Variants in CACNA1A observed in about 807,000 individuals in gnomAD.
CACNA1A encodes calcium voltage-gated channel subunit alpha1 A, also known as voltage-dependent P/Q-type calcium channel subunit alpha-1A.
In CACNA1A, 57 loss-of-function variants were observed where a neutral mutation model predicts 262.4. The ratio of observed to expected loss-of-function variants is 0.22; its 90% CI spans 0.18 to 0.27. The LOEUF (loss-of-function observed/expected upper bound fraction) is 0.27. Ranked by LOEUF, CACNA1A falls within the 10% of genes least tolerant of loss-of-function variation. CACNA1A has a pLI of 1.00. For synonymous variants in CACNA1A, 1,431 were observed against 1,419.3 expected (o/e 1.01, Z -0.18); for missense variants, 2,526 against 3,562.8 (o/e 0.71, Z 7.41).
At chr19:13,346,676 T>A (rs2058793353) in intron 6 of CACNA1A, among the ~76,000 whole-genome samples, 1 of 64,436 alleles carries the variant, frequency 1.6e-5, no homozygotes, top group Non-Finnish European at 2.9e-5. Context: ...ATTTTTTTTT[T>A]TTTTTTTTTT....
chr19:13,491,923 C>T (rs1425620490), intron 1 of CACNA1A, among the ~76,000 whole-genome samples: 1 of 152,126 alleles, frequency 6.6e-6, no homozygotes, highest in Non-Finnish European at 1.5e-5. Context: ...AGGCCGATAC[C>T]TATAACACTA....
intron 1 of CACNA1A, among the ~76,000 whole-genome samples, chr19:13,499,508 C>A (rs1234546856): frequency 6.6e-6 from 1 of 150,430 alleles, no homozygotes. Flanking sequence ...GGCCGGTTTC[C>A]AAAAAAAGAA....
intron 1 of CACNA1A, among the ~76,000 whole-genome samples, chr19:13,482,168 C>T (rs921233406): frequency 1.3e-5 from 2 of 152,146 alleles, no homozygotes; most frequent in Non-Finnish European, 2.9e-5. Context: ...CCATCACCAC[C>T]ACTGCTACCA....
intron 3 of CACNA1A, among the ~76,000 whole-genome samples, chr19:13,394,078 T>C (rs2059768353): frequency 6.6e-6 from 1 of 152,128 alleles, no homozygotes; most frequent in Admixed American, 6.6e-5. Context: ...TAAAAATATA[T>C]TTAGGAAGTA....
intron 4 of CACNA1A, among the ~76,000 whole-genome samples, chr19:13,367,611 CTGG>C (rs2059240031): frequency 1.1e-5 from 1 of 90,238 alleles, no homozygotes; most frequent in African/African-American, 3.2e-5. Context: ...ACCTGTAGTC[CTGG>C]CTACTCGGGA....
At chr19:13,404,549 T>A (rs564222476) in intron 3 of CACNA1A, among the ~76,000 whole-genome samples, 9 of 152,132 alleles carry the variant, frequency 5.9e-5, no homozygotes, top group Non-Finnish European at 1.2e-4. Flanking sequence ...TGGCCCAGGC[T>A]GCCCTGAACA....
chr19:13,288,954 A>G (rs771947966), intron 19 of CACNA1A, among the ~76,000 whole-genome samples: 13 of 152,098 alleles, frequency 8.5e-5, no homozygotes, highest in Non-Finnish European at 1.8e-4. Context: ...AGACCAAAGT[A>G]GGTAAGTGGG....
chr19:13,476,602 G>A (rs1452525674), intron 1 of CACNA1A, among the ~76,000 whole-genome samples: 1 of 152,082 alleles, frequency 6.6e-6, no homozygotes, highest in African/African-American at 2.4e-5. Flanking sequence ...TTTCCTTTAG[G>A]GGGGATGAAA....
intron 11 of CACNA1A, chr19:13,315,658 G>A (rs1429876914): frequency 6.6e-6 from 1 of 152,318 alleles, no homozygotes; most frequent in Non-Finnish European, 1.5e-5. Flanking sequence ...GCCCTGGGAA[G>A]GAGAACTGGT....
At chr19:13,480,697 A>C (rs1462683682) in intron 1 of CACNA1A, among the ~76,000 whole-genome samples, 1 of 152,186 alleles carries the variant, frequency 6.6e-6, no homozygotes, top group Non-Finnish European at 1.5e-5. Flanking sequence ...AGAGAAAAAA[A>C]GTTACACACA....
chr19:13,335,700 C>G, intron 7 of CACNA1A, 106 bp downstream of exon 7: 1 of 788,626 alleles, frequency 1.3e-6, no homozygotes. Flanking sequence ...GGGAAGAAGC[C>G]TTTTCTCTGT....
At chr19:13,389,016 C>T (rs1278577779) in intron 3 of CACNA1A, among the ~76,000 whole-genome samples, 1 of 152,132 alleles carries the variant, frequency 6.6e-6, no homozygotes, top group African/African-American at 2.4e-5. Context: ...GATTCTCTTG[C>T]CTCAGCCTCC....
chr19:13,275,998 C>A, intron 23 of CACNA1A, 42 bp from the exon 24 acceptor site: 1 of 1,388,698 alleles, frequency 7.2e-7, no homozygotes, highest in Non-Finnish European at 1.0e-6. Flanking sequence ...CCCACCTGAT[C>A]CCCACCCTGG....
intron 6 of CACNA1A, among the ~76,000 whole-genome samples, chr19:13,349,523 G>T (rs1360427340): frequency 6.6e-6 from 1 of 152,186 alleles, no homozygotes; most frequent in Non-Finnish European, 1.5e-5. Context: ...GTGAAATGAG[G>T]CCACCTGTCA....
chr19:13,288,441 TGTTGCCCAG>T (rs1284375193), intron 19 of CACNA1A, among the ~76,000 whole-genome samples: 2 of 152,138 alleles, frequency 1.3e-5, no homozygotes, highest in South Asian at 2.1e-4. Context: ...GGCTTCGCCA[TGTTGCCCAG>T]GCTGCTTGAA....
At chr19:13,335,724 A>T (rs2058553531) in intron 7 of CACNA1A, 82 bp downstream of exon 7, 1 of 923,068 alleles carries the variant, frequency 1.1e-6, no homozygotes, top group South Asian at 1.4e-5. Flanking sequence ...GTGAATGAAA[A>T]CAAAGCTTCA....
chr19:13,255,740 C>CCTCT (rs1568466473), intron 28 of CACNA1A, among the ~76,000 whole-genome samples: 2 of 58,676 alleles, frequency 3.4e-5, no homozygotes, highest in Admixed American at 1.5e-4. Flanking sequence ...TCCCTCCTTC[C>CCTCT]CTCCCTCCCT....
At chr19:13,380,894 C>T (rs2059513322) in intron 3 of CACNA1A, among the ~76,000 whole-genome samples, 1 of 151,826 alleles carries the variant, frequency 6.6e-6, no homozygotes, top group Admixed American at 6.6e-5. Context: ...CTTCCTCAGC[C>T]TCCTAAGTAG....
At chr19:13,255,824 C>A (rs947035470) in intron 28 of CACNA1A, among the ~76,000 whole-genome samples, 2 of 139,870 alleles carry the variant, frequency 1.4e-5, no homozygotes, top group Admixed American at 1.5e-4. Context: ...TTCCTTCCTT[C>A]CCTTCATTCC....
Sources: gnomAD v4.1 joint callset for allele counts (sites outside exome capture counted in the v4.1 genomes callset) on GRCh38, gnomAD v4.1.1 for gene constraint, MANE v1.5 for transcripts, NCBI Gene and HGNC (gene_info 2026-07-23, HGNC 2026-07-21) for gene names.